RC3H1: variants seen among roughly 807,000 people sequenced by gnomAD.
RC3H1 encodes ring finger and CCCH-type domains 1, also known as roquin-1.
In RC3H1, 50 loss-of-function variants were observed where a neutral mutation model predicts 138.2. The observed-to-expected ratio is 0.36, with a 90% CI of 0.29 to 0.46. RC3H1 has a LOEUF of 0.46. RC3H1 is among the 20% of genes least tolerant of loss of function. RC3H1 has a pLI of 1.00. For missense variants in RC3H1, 1,031 were observed against 1,388.1 expected (o/e 0.74, Z 4.09); for synonymous variants, 462 against 489.1 (o/e 0.94, Z 0.73).
At chr1:173,965,589 C>CAA (rs35376093) in intron 9 of RC3H1, among the ~76,000 whole-genome samples, 1 of 151,080 alleles carries the variant, frequency 6.6e-6, no homozygotes, top group South Asian at 2.1e-4. Flanking sequence ...GATTCTGTCT[C>CAA]AAAAAAAAGA....
At chr1:173,980,501 T>C (rs572397484) in intron 6 of RC3H1, among the ~76,000 whole-genome samples, 13 of 152,260 alleles carry the variant, frequency 8.5e-5, no homozygotes, top group Non-Finnish European at 1.6e-4. Context: ...TTATTTTTTT[T>C]TTAGGTTACT....
intron 1 of RC3H1, among the ~76,000 whole-genome samples, chr1:174,012,039 CG>C (rs1661779041): frequency 6.6e-6 from 1 of 151,868 alleles, no homozygotes; most frequent in Admixed American, 6.6e-5. Flanking sequence ...GGCAAGACGC[CG>C]TCTCTACAAA....
At position 173,937,072 on chromosome 1, in the gene RC3H1, T is replaced by C. The variant is rs1259639396; in HGVS notation, c.*1649A>G. ...GGGCATAATCAAATTCAATGTGAAA[T>C]AGTATATAAACACGGTGCCTTGACT... On this transcript the variant is annotated 3_prime_UTR_variant, in exon 20 of 20. Coordinates refer to ENST00000367696, the MANE Select transcript of RC3H1 (RefSeq NM_172071.4). The C allele has an allele frequency of 6.6e-6, 1 of 152,098 alleles. No homozygotes were observed. Among genetic ancestry groups the C allele is most frequent in the Non-Finnish European group, 1.5e-5 (1 of 67,934 alleles). 9.4% of individuals were successfully genotyped at this position (152,098 alleles called of 1,614,324 possible).
At chr1:173,973,334 G>A (rs1660443650) in intron 7 of RC3H1, among the ~76,000 whole-genome samples, 1 of 152,074 alleles carries the variant, frequency 6.6e-6, no homozygotes, top group African/African-American at 2.4e-5. Flanking sequence ...TCAAGAGATG[G>A]AGACCATCCT....
intron 19 of RC3H1, 150 bp downstream of exon 19, chr1:173,941,115 G>T: frequency 1.7e-6 from 1 of 599,248 alleles, no homozygotes. Context: ...CACTGCGCCC[G>T]GCCGCAAAAA....
At chr1:174,009,035 T>TA (rs1038198131) in intron 1 of RC3H1, among the ~76,000 whole-genome samples, 1 of 151,562 alleles carries the variant, frequency 6.6e-6, no homozygotes, top group African/African-American at 2.4e-5. Context: ...CTGCTAATGT[T>TA]AGAGAACCTA....
Position 173,933,126 on chromosome 1 carries a change from C to T in RC3H1, c.*5595G>A, listed in dbSNP as rs912178204. The T allele has an allele frequency of 7.2e-5, 11 of 151,860 alleles. No individual in the cohort carries two copies. The highest frequency in any genetic ancestry group is 1.9e-4 in the East Asian group (1 of 5,200). 9.4% of individuals were successfully genotyped at this position (151,860 alleles called of 1,614,324 possible). A position where few individuals can be genotyped will look rare whatever the true frequency, so the allele number is the denominator to read the frequency against. ...TTTTCTAAATACACATTTTTGGACA[C>T]GATATTATGTTGAGGTTTAAGTTCT... On this transcript the variant is annotated 3_prime_UTR_variant, in exon 20 of 20. Transcript: ENST00000367696.
At chr1:174,004,511 T>A (rs1661617494) in intron 1 of RC3H1, among the ~76,000 whole-genome samples, 1 of 152,006 alleles carries the variant, frequency 6.6e-6, no homozygotes, top group Non-Finnish European at 1.5e-5. Context: ...TCTAAGAGAA[T>A]GTCACTTGGC....
chr1:174,012,440 A>G (rs1661785872), intron 1 of RC3H1, among the ~76,000 whole-genome samples: 1 of 152,032 alleles, frequency 6.6e-6, no homozygotes, highest in South Asian at 2.1e-4. Flanking sequence ...AGTCTCCAAT[A>G]CCCTCTTCAA....
At chr1:173,940,099 T>A (rs186095246) in intron 19 of RC3H1, among the ~76,000 whole-genome samples, 1 of 152,270 alleles carries the variant, frequency 6.6e-6, no homozygotes, top group Non-Finnish European at 1.5e-5. Context: ...TGATATAGGA[T>A]AGACTGAATT....
chr1:173,963,990 G>C lies in RC3H1; in HGVS notation c.1814C>G (p.Pro605Arg), dbSNP rs753883069. ...DPRGAAPPFE[P>R]APYQQGMYYT... ...ATCGTTACCCTGCTGATAAGGTGCT[G>C]GTTCAAATGGCGGAGCTGCTCCTCG... The change falls in exon 11 of 20, where the codon CCA (proline) becomes CGA (arginine). Residue 605 changes from proline (P) to arginine (R), a missense_variant. Physicochemically the swap from Pro to Arg is moderately radical, Grantham distance 103. Transcript: ENST00000367696. The C allele has an allele frequency of 6.2e-7, 1 of 1,614,032 alleles. No individual in the cohort carries two copies. The highest frequency in any genetic ancestry group is 1.1e-5 in the South Asian group (1 of 91,058).
At chr1:173,968,741 T>C (rs1416152918) in intron 9 of RC3H1, among the ~76,000 whole-genome samples, 1 of 152,106 alleles carries the variant, frequency 6.6e-6, no homozygotes. Flanking sequence ...TTAATGAGAG[T>C]GAATCGAATA....
At chr1:173,991,822 T>C (rs1307967036) in intron 2 of RC3H1, among the ~76,000 whole-genome samples, 1 of 152,200 alleles carries the variant, frequency 6.6e-6, no homozygotes, top group Non-Finnish European at 1.5e-5. Flanking sequence ...TGATTATATA[T>C]TTTAAAGTCT....
rs2102805137 is a variant in RC3H1 at position 173,931,157 on chromosome 1, GAAAGT to G, written c.*7559_*7563del. 2 of 152,284 alleles carry G rather than the reference GAAAGT, an allele frequency of 1.3e-5. No homozygotes were observed. The highest frequency in any genetic ancestry group is 3.4e-3 in the Middle Eastern group (1 of 294). The allele number at this position is 152,284 out of a possible 1,614,324, so 9.4% of individuals were successfully genotyped here. On this transcript the variant is annotated 3_prime_UTR_variant, in exon 20 of 20. Transcript: ENST00000367696. ...AGCCCCCTCCATTAAAAACGTGTAAGAAAGTAATCTCAAGATTAGAATAAGATGGC... is the reference window on the plus strand; with the variant it reads ...AGCCCCCTCCATTAAAAACGTGTAAGAATCTCAAGATTAGAATAAGATGGC...
At chr1:173,976,264 CTGTTTCTACTA>C (rs1256610034) in intron 7 of RC3H1, among the ~76,000 whole-genome samples, 3 of 151,772 alleles carry the variant, frequency 2.0e-5, no homozygotes, top group Non-Finnish European at 4.4e-5. Flanking sequence ...TGGTGAAACC[CTGTTTCTACTA>C]AAGATACTAA....
At chr1:173,938,990 C>A (rs1181820263) in intron 19 of RC3H1, 119 bp from the exon 20 acceptor site, 3 of 707,930 alleles carry the variant, frequency 4.2e-6, no homozygotes, top group Non-Finnish European at 6.5e-6. Flanking sequence ...ACATTTTAAT[C>A]TACAGCCCCT....
chr1:174,000,956 G>A (rs1221395967), intron 1 of RC3H1, among the ~76,000 whole-genome samples: 1 of 152,162 alleles, frequency 6.6e-6, no homozygotes, highest in East Asian at 1.9e-4. Context: ...TTCCCAAAAT[G>A]TATGGACTGA....
chr1:174,018,889 A>G (rs951835476), intron 1 of RC3H1, among the ~76,000 whole-genome samples: 7 of 152,208 alleles, frequency 4.6e-5, no homozygotes, highest in Non-Finnish European at 1.0e-4. Flanking sequence ...GCAAGAGTGG[A>G]CTGATTAGAC....
rs1427910773 is a variant in RC3H1, at chr1:173,972,765, C to T, written c.1103-138G>A. ...TTAGCTTTTTAGATAATAGCTTATTCACCTAACCATCATTTTAAAGGAATG... is the reference window on the plus strand; with the variant it reads ...TTAGCTTTTTAGATAATAGCTTATTTACCTAACCATCATTTTAAAGGAATG... On this transcript the variant is annotated intron_variant, in intron 7 of 19. Transcript: ENST00000367696. 4 of 626,650 alleles carry T rather than the reference C, an allele frequency of 6.4e-6. No homozygotes were observed. In the Admixed American group the frequency reaches 1.1e-4, roughly 17 times the overall value. The allele number at this position is 626,650 out of a possible 1,614,324, so 38.8% of individuals were successfully genotyped here.
Sources: gnomAD v4.1 joint callset for allele counts (sites outside exome capture counted in the v4.1 genomes callset) on GRCh38, gnomAD v4.1.1 for gene constraint, MANE v1.5 for transcripts, NCBI Gene and HGNC (gene_info 2026-07-23, HGNC 2026-07-21) for gene names.